Variants in OXSR1 observed in about 807,000 individuals in gnomAD.
OXSR1 encodes the protein oxidative stress responsive kinase 1, also known as serine/threonine-protein kinase OSR1.
OXSR1 carries 24 observed loss-of-function variants against 79.8 expected under a neutral mutation model. The observed-to-expected ratio is 0.30, with a 90% CI of 0.22 to 0.42. OXSR1 has a LOEUF of 0.42. Among genes scored for constraint, OXSR1 ranks in the 10% least tolerant of loss-of-function variants. The probability of loss-of-function intolerance (pLI) is 1.00; values close to 1 mark genes in which losing one functional copy is unlikely to be tolerated. For synonymous variants in OXSR1, 226 were observed against 209.2 expected, an observed-to-expected ratio of 1.08 and a Z score of -0.69; for missense variants, 430 against 618.4, an observed-to-expected ratio of 0.70 and a Z score of 3.23.
chr3:38,202,543 T>G (rs1453369838), intron 4 of OXSR1, among the ~76,000 whole-genome samples: 1 of 152,106 alleles, frequency 6.6e-6, no homozygotes, highest in African/African-American at 2.4e-5. Flanking sequence ...CCATGCCTGG[T>G]TGTGGGCGAA....
intron 10 of OXSR1, among the ~76,000 whole-genome samples, chr3:38,233,713 A>G (rs954098460): frequency 2.0e-5 from 3 of 152,192 alleles, no homozygotes; most frequent in South Asian, 2.1e-4. Flanking sequence ...CAGGAGTTCT[A>G]GACCATCCTG....
chr3:38,196,435 T>C (rs1702073888), intron 3 of OXSR1, among the ~76,000 whole-genome samples: 1 of 152,132 alleles, frequency 6.6e-6, no homozygotes, highest in South Asian at 2.1e-4. Context: ...CAGTTAAGGA[T>C]GAAGGTCTTA....
chr3:38,178,405 G>A (rs1028345761), intron 1 of OXSR1, among the ~76,000 whole-genome samples: 1 of 151,950 alleles, frequency 6.6e-6, no homozygotes, highest in African/African-American at 2.4e-5. Context: ...AACAAATTCT[G>A]TCGAATTATA....
chr3:38,190,935 T>G, intron 3 of OXSR1, 96 bp downstream of exon 3: 1 of 720,672 alleles, frequency 1.4e-6, no homozygotes, highest in Non-Finnish European at 2.5e-6. Flanking sequence ...TCATGGACAT[T>G]TGCATTTGAG....
chr3:38,216,328 C>G (rs1001501355), intron 5 of OXSR1, among the ~76,000 whole-genome samples, 177 bp downstream of exon 5: 4 of 152,114 alleles, frequency 2.6e-5, no homozygotes, highest in Non-Finnish European at 5.9e-5. Flanking sequence ...CATACTCATC[C>G]TTCATTTCTG....
intron 8 of OXSR1, among the ~76,000 whole-genome samples, chr3:38,226,288 G>C (rs1702687504): frequency 6.6e-6 from 1 of 151,990 alleles, no homozygotes; most frequent in African/African-American, 2.4e-5. Context: ...TGCTCCAGAA[G>C]ATTTAGGTAA....
intron 3 of OXSR1, among the ~76,000 whole-genome samples, chr3:38,194,607 G>A (rs1702040435): frequency 6.6e-6 from 1 of 152,046 alleles, no homozygotes; most frequent in Non-Finnish European, 1.5e-5. Flanking sequence ...TTAGTACTGG[G>A]GAAAGATGGG....
chr3:38,190,343 C>T (rs1701960317), intron 2 of OXSR1, among the ~76,000 whole-genome samples: 1 of 152,044 alleles, frequency 6.6e-6, no homozygotes, highest in Non-Finnish European at 1.5e-5. Context: ...AAAAAAATCC[C>T]TACACAAACT....
intron 11 of OXSR1, among the ~76,000 whole-genome samples, chr3:38,242,340 A>G (rs1167650547): frequency 1.3e-5 from 2 of 152,178 alleles, no homozygotes; most frequent in African/African-American, 4.8e-5. Flanking sequence ...GCTTGTAAAC[A>G]GAATTACTCT....
chr3:38,172,690 T>C (rs1701604718), intron 1 of OXSR1, among the ~76,000 whole-genome samples: 3 of 152,198 alleles, frequency 2.0e-5, no homozygotes, highest in Non-Finnish European at 2.9e-5. Flanking sequence ...TGGTGCTTAA[T>C]AGTGTATTTT....
chr3:38,166,826 T>A (rs1333521621), intron 1 of OXSR1, among the ~76,000 whole-genome samples: 1 of 151,522 alleles, frequency 6.6e-6, no homozygotes, highest in Non-Finnish European at 1.5e-5. Flanking sequence ...TTGAAGAGGC[T>A]TTGGCAAGTG....
At chr3:38,184,248 G>T (rs946636268) in intron 2 of OXSR1, among the ~76,000 whole-genome samples, 1 of 152,160 alleles carries the variant, frequency 6.6e-6, no homozygotes, top group African/African-American at 2.4e-5. Context: ...TTATATATGA[G>T]ATGGACGAGA....
chr3:38,177,325 G>A lies in OXSR1; in HGVS notation c.71-5678G>A, dbSNP rs574421795. ...TGCAGAAATAATTAAGAGAGGATGG[G>A]ATCTGAGAGGGAGGGAACTTAATGG... On this transcript the variant is annotated intron_variant, in intron 1 of 17. Coordinates refer to ENST00000311806, the MANE Select transcript of OXSR1 (RefSeq NM_005109.3). Among the ~76,000 whole-genome samples, 4 of 152,280 alleles carry A rather than the reference G, an allele frequency of 2.6e-5. No individual in the cohort carries two copies. In the South Asian group the frequency reaches 8.3e-4, roughly 32 times the overall value.
chr3:38,171,565 C>T (rs949935264), intron 1 of OXSR1, among the ~76,000 whole-genome samples: 4 of 152,108 alleles, frequency 2.6e-5, no homozygotes, highest in Non-Finnish European at 5.9e-5. Context: ...GATTGTTTCT[C>T]ACATTCTGTT....
intron 4 of OXSR1, among the ~76,000 whole-genome samples, chr3:38,206,797 A>G (rs1702271269): frequency 6.6e-6 from 1 of 152,230 alleles, no homozygotes; most frequent in African/African-American, 2.4e-5. Context: ...AGCTTCATTG[A>G]TTAGCACAGT....
At position 38,165,768 on chromosome 3, in the gene OXSR1, TG is replaced by T; in HGVS notation, c.-104del. 2.0e-6 allele frequency: 2 copies of T among 980,638 alleles called. No homozygotes were observed. The highest frequency in any genetic ancestry group is 3.1e-6 in the Non-Finnish European group (2 of 646,116). 60.7% of individuals were successfully genotyped at this position (980,638 alleles called of 1,614,324 possible). On this transcript the variant is annotated 5_prime_UTR_variant, in exon 1 of 18. Coordinates refer to ENST00000311806, the MANE Select transcript of OXSR1 (RefSeq NM_005109.3). ...CCCGTGGCTGTTCCGAGACGATTGG[TG>T]GGGGCGCGGCGGCGGCGGCGGCGGC... is the stretch of plus-strand genomic sequence containing the variant.
At chr3:38,251,626 C>A (rs1468846914) in intron 16 of OXSR1, among the ~76,000 whole-genome samples, 155 bp downstream of exon 16, 1 of 152,122 alleles carries the variant, frequency 6.6e-6, no homozygotes, top group South Asian at 2.1e-4. Flanking sequence ...CAGTTCCTTA[C>A]ACACACACAA....
chr3:38,221,654 C>G lies in OXSR1; in HGVS notation c.567C>G (p.Thr189=), dbSNP rs1361539868. ...RNKVRKTFVG[T]PCWMAPEVME... ...AAGTGAGAAAGACCTTTGTTGGCAC[C>G]CCTTGTTGGATGGCACCTGAAGTTA... is the stretch of plus-strand genomic sequence containing the variant. Residue 189 remains threonine (T), a synonymous_variant, in exon 6 of 18, where the codon ACC becomes ACG. Transcript: ENST00000311806. 6.2e-7 allele frequency: 1 copy of G among 1,612,162 alleles called. No individual in the cohort carries two copies. Among genetic ancestry groups the G allele is most frequent in the Non-Finnish European group, 8.5e-7 (1 of 1,178,506 alleles).
intron 10 of OXSR1, chr3:38,236,530 CTT>C (rs1023244592): frequency 3.7e-4 from 62 of 166,226 alleles, no homozygotes; most frequent in Non-Finnish European, 5.6e-4. Flanking sequence ...CCCAAAACCT[CTT>C]TTTTTTTTTT....
Sources: allele counts gnomAD v4.1 joint callset (sites outside exome capture counted in the v4.1 genomes callset), GRCh38; gene constraint gnomAD v4.1.1; transcripts MANE v1.5; gene names NCBI Gene and HGNC (gene_info 2026-07-23, HGNC 2026-07-21).